PPARGC1A: variants seen among roughly 807,000 people sequenced by gnomAD.
PPARGC1A encodes PPARG coactivator 1 alpha, also known as peroxisome proliferator-activated receptor gamma coactivator 1-alpha.
Under a neutral mutation model 88.7 loss-of-function variants are expected in PPARGC1A, and 25 were observed. That is an observed-to-expected ratio of 0.28 (90% confidence interval 0.21 to 0.39). The LOEUF is 0.39. PPARGC1A is among the 10% of genes least tolerant of loss of function. PPARGC1A has a pLI of 1.00. For missense variants in PPARGC1A, 880 were observed against 968.7 expected (o/e 0.91, Z 1.22); for synonymous variants, 363 against 355.6 (o/e 1.02, Z -0.24).
chr4:24,341,053 T>C, the PPARGC1A span, among the ~76,000 whole-genome samples: 2 of 152,080 alleles, frequency 1.3e-5, no homozygotes, highest in Non-Finnish European at 2.9e-5. Context: ...TTCTGTGCAA[T>C]CCGTGCTATT....
chr4:24,402,314 C>T, the PPARGC1A span, among the ~76,000 whole-genome samples: 1 of 152,328 alleles, frequency 6.6e-6, no homozygotes, highest in South Asian at 2.1e-4. Flanking sequence ...AGGAAAGGAT[C>T]GCCAAGACAG....
At chr4:23,941,705 T>A in the PPARGC1A span, among the ~76,000 whole-genome samples, 1 of 152,108 alleles carries the variant, frequency 6.6e-6, no homozygotes, top group Non-Finnish European at 1.5e-5. Flanking sequence ...TCATGAACAG[T>A]CCTAGGGCAC....
chr4:24,185,623 G>A, the PPARGC1A span, among the ~76,000 whole-genome samples: 1 of 152,124 alleles, frequency 6.6e-6, no homozygotes, highest in Non-Finnish European at 1.5e-5. Context: ...GTGATTTATT[G>A]AATGTTTATA....
chr4:24,286,584 C>T, the PPARGC1A span, among the ~76,000 whole-genome samples: 280 of 152,268 alleles, frequency 1.8e-3, 8 homozygotes, highest in East Asian at 0.036. Flanking sequence ...GACCAGCCAA[C>T]GCACAGAAGA....
the PPARGC1A span, among the ~76,000 whole-genome samples, chr4:24,083,106 A>G: frequency 6.6e-6 from 1 of 152,128 alleles, no homozygotes; most frequent in East Asian, 1.9e-4. Flanking sequence ...AGCACACATG[A>G]CTTGAGCCTG....
chr4:24,334,078 C>A, the PPARGC1A span, among the ~76,000 whole-genome samples: 2 of 151,872 alleles, frequency 1.3e-5, no homozygotes, highest in African/African-American at 2.4e-5. Context: ...CATCCTCACA[C>A]CCCACCCCAA....
the PPARGC1A span, among the ~76,000 whole-genome samples, chr4:24,231,114 G>A: frequency 6.7e-6 from 1 of 149,950 alleles, no homozygotes. Context: ...AAAGGGCTCA[G>A]CAGTGCTTCC....
the PPARGC1A span, among the ~76,000 whole-genome samples, chr4:24,262,444 A>G: frequency 6.6e-6 from 1 of 152,190 alleles, no homozygotes; most frequent in African/African-American, 2.4e-5. Context: ...CACCACACAC[A>G]AGGAGTGAAA....
chr4:24,432,133 T>A, the PPARGC1A span, among the ~76,000 whole-genome samples: 1 of 152,052 alleles, frequency 6.6e-6, no homozygotes, highest in Admixed American at 6.6e-5. Flanking sequence ...CTCAGGTGAA[T>A]AAGACAGAGG....
At chr4:23,998,370 C>T in the PPARGC1A span, among the ~76,000 whole-genome samples, 2 of 151,638 alleles carry the variant, frequency 1.3e-5, no homozygotes, top group Admixed American at 1.3e-4. Context: ...CTCTTTATAT[C>T]AATAAGGGAA....
chr4:24,364,642 G>A, the PPARGC1A span, among the ~76,000 whole-genome samples: 1 of 152,130 alleles, frequency 6.6e-6, no homozygotes, highest in African/African-American at 2.4e-5. Flanking sequence ...TGAGGAAACT[G>A]AGCTTTCCTG....
the PPARGC1A span, among the ~76,000 whole-genome samples, chr4:24,203,579 AAGAG>A: frequency 2.0e-5 from 3 of 152,074 alleles, no homozygotes; most frequent in East Asian, 3.8e-4. Flanking sequence ...TAGAAAAAGA[AAGAG>A]AAAATAGAGA....
At chr4:24,432,067 A>T in the PPARGC1A span, among the ~76,000 whole-genome samples, 1 of 152,174 alleles carries the variant, frequency 6.6e-6, no homozygotes, top group Non-Finnish European at 1.5e-5. Context: ...AAGAAATGTC[A>T]AGAGAAGGTT....
At chr4:23,910,357 TTATA>T in the PPARGC1A span, among the ~76,000 whole-genome samples, 5 of 101,504 alleles carry the variant, frequency 4.9e-5, no homozygotes, top group South Asian at 2.4e-4. Context: ...ATTATATATA[TTATA>T]TATATTATAT....
chr4:24,436,765 G>A, the PPARGC1A span, among the ~76,000 whole-genome samples: 2 of 140,144 alleles, frequency 1.4e-5, no homozygotes, highest in African/African-American at 5.7e-5. Flanking sequence ...ACATCGATTG[G>A]CCACCCCAGA....
At chr4:24,133,763 C>T in the PPARGC1A span, among the ~76,000 whole-genome samples, 1 of 152,174 alleles carries the variant, frequency 6.6e-6, no homozygotes, top group African/African-American at 2.4e-5. Flanking sequence ...TATTCAGCAA[C>T]AGGTTTATTT....
At chr4:23,840,504 C>A (rs188523406) in intron 2 of PPARGC1A, among the ~76,000 whole-genome samples, 1 of 152,226 alleles carries the variant, frequency 6.6e-6, no homozygotes, top group East Asian at 1.9e-4. Flanking sequence ...CCCTCATTTA[C>A]TCAAGTGTCA....
the PPARGC1A span, among the ~76,000 whole-genome samples, chr4:24,138,431 A>G: frequency 1.7e-4 from 26 of 152,338 alleles, no homozygotes; most frequent in Non-Finnish European, 1.3e-4. Flanking sequence ...ACCAGGGTAT[A>G]CAGAACAAGC....
the PPARGC1A span, among the ~76,000 whole-genome samples, chr4:24,072,124 ATATATT>A: frequency 6.8e-6 from 1 of 147,514 alleles, no homozygotes; most frequent in South Asian, 2.1e-4. Context: ...AAATATATAT[ATATATT>A]TATAATTTTT....
Sources: gnomAD v4.1 joint callset for allele counts (sites outside exome capture counted in the v4.1 genomes callset) on GRCh38, gnomAD v4.1.1 for gene constraint, MANE v1.5 for transcripts, NCBI Gene and HGNC (gene_info 2026-07-23, HGNC 2026-07-21) for gene names.